Variants in RADX observed in about 807,000 individuals in gnomAD.
The protein encoded by RADX is RPA1 related single stranded DNA binding protein, X-linked, also known as RPA-related protein RADX.
RADX carries 36 observed loss-of-function variants against 61.6 expected under a neutral mutation model. The ratio of observed to expected loss-of-function variants is 0.58; its 90% CI spans 0.45 to 0.77. RADX has a LOEUF of 0.77. Ranked by LOEUF, RADX falls within the 30% of genes least tolerant of loss-of-function variation. RADX has a pLI of 0.00. For missense variants in RADX, 497 were observed against 651.1 expected (o/e 0.76, Z 2.58); for synonymous variants, 272 against 237.9 (o/e 1.14, Z -1.32).
intron 11 of RADX, among the ~76,000 whole-genome samples, chrX:106,661,006 T>C (rs975448942): frequency 1.4e-4 from 16 of 111,198 alleles, no homozygotes; most frequent in African/African-American, 4.6e-4. Context: ...CAAACACTTA[T>C]AAAACCATCA....
At chrX:106,664,924 T>C (rs762102889) in intron 12 of RADX, among the ~76,000 whole-genome samples, 100 of 111,668 alleles carry the variant, frequency 9.0e-4, no homozygotes, top group African/African-American at 3.2e-3. Context: ...AAGTAGTACT[T>C]GAAGTATACA....
chrX:106,632,514 T>G (rs1724261124), intron 3 of RADX, 111 bp from the exon 4 acceptor site: 1 of 409,163 alleles, frequency 2.4e-6, no homozygotes, highest in Non-Finnish European at 4.2e-6. Flanking sequence ...TTCTTGAGTT[T>G]AGTGGTGGGT....
Position 106,632,912 on chromosome X carries a change from T to C in RADX, c.1089-20T>C. The C allele has an allele frequency of 5.3e-6, 6 of 1,134,683 alleles. No homozygotes were observed. Among genetic ancestry groups the C allele is most frequent in the Non-Finnish European group, 7.2e-6 (6 of 833,120 alleles). 93.5% of individuals were successfully genotyped at this position (1,134,683 alleles called of 1,213,427 possible). A position where few individuals can be genotyped will look rare whatever the true frequency, so the allele number is the denominator to read the frequency against. On this transcript the variant is annotated intron_variant, in intron 4 of 13. Transcript: ENST00000372548. ...ACTGTTTAAAAATAAAATATTAATT[T>C]AGTGATTTTACCTTTTTAGGTCAGA...
At chrX:106,614,743 G>T (rs1926760288) in intron 1 of RADX, among the ~76,000 whole-genome samples, 1 of 110,299 alleles carries the variant, frequency 9.1e-6, no homozygotes, top group Non-Finnish European at 1.9e-5. Flanking sequence ...AATTTTGTCT[G>T]CTATATACTG....
chrX:106,654,294 AT>A (rs1441535609), intron 11 of RADX, among the ~76,000 whole-genome samples: 9 of 102,835 alleles, frequency 8.8e-5, no homozygotes, highest in Admixed American at 4.9e-4. Flanking sequence ...AGTGATGATG[AT>A]TTTTTTTTCA....
chrX:106,648,367 C>G lies in RADX; in HGVS notation c.1959C>G (p.Gly653=), dbSNP rs185238576. ...TACAAACAAAGGGAATTAAACCGGG[C>G]ATGCCAAGCATCTTCAACCGTATGT... ...ASVQTKGIKP[G]MPSIFNRRAN... is the part of the protein sequence containing the mutation. The change falls in exon 11 of 14, where the codon GGC becomes GGG. Residue 653 remains glycine, a synonymous_variant. Transcript: ENST00000372548. 5.7e-4 allele frequency: 673 copies of G among 1,184,455 alleles called. 3 individuals are homozygous for G. In the East Asian group the frequency reaches 0.016, roughly 29 times the overall value.
intron 3 of RADX, among the ~76,000 whole-genome samples, chrX:106,626,346 A>T (rs971403371): frequency 8.9e-6 from 1 of 112,121 alleles, no homozygotes; most frequent in Non-Finnish European, 1.9e-5. Context: ...CAAAAACCTT[A>T]TATGATTATT....
At chrX:106,673,819 G>C (rs1227411807) in intron 13 of RADX, among the ~76,000 whole-genome samples, 1 of 110,923 alleles carries the variant, frequency 9.0e-6, no homozygotes, top group Non-Finnish European at 1.9e-5. Context: ...TTTAGCTCAT[G>C]GTGGTGAGGC....
chrX:106,624,429 A>T (rs928217973), intron 2 of RADX, among the ~76,000 whole-genome samples: 5 of 111,783 alleles, frequency 4.5e-5, no homozygotes, highest in Admixed American at 2.9e-4. Context: ...TATGAACTGA[A>T]TTCAAGTTTC....
In RADX at chrX:106,678,161, G is replaced by C; in HGVS notation, c.2471G>C (p.Arg824Thr). ...DIIKAATELD[R>T]VHIVGILDIC... ...ATAAAAGCAGCAACTGAACTGGATA[G>C]AGTGCATATCGTCGGTATCTTGGAT... is the stretch of plus-strand genomic sequence containing the variant. The change falls in exon 14 of 14, where the codon AGA becomes ACA. Residue 824 changes from arginine to threonine, a missense_variant. Physicochemically the swap from Arg to Thr is moderately conservative, Grantham distance 71. Transcript: ENST00000372548. The C allele has an allele frequency of 1.7e-6, 2 of 1,179,341 alleles. No homozygotes were observed. The highest frequency in any genetic ancestry group is 2.3e-6 in the Non-Finnish European group (2 of 866,410).
chrX:106,652,730 T>C (rs1927826228), intron 11 of RADX, among the ~76,000 whole-genome samples: 1 of 98,147 alleles, frequency 1.0e-5, no homozygotes, highest in Admixed American at 1.1e-4. Context: ...CACACGCCAC[T>C]GAAAACCAGG....
intron 8 of RADX, chrX:106,638,133 T>C: frequency 3.0e-6 from 1 of 338,206 alleles, no homozygotes; most frequent in Non-Finnish European, 5.1e-6. Flanking sequence ...CGCATGGTGC[T>C]CTAAAGATTA....
intron 3 of RADX, among the ~76,000 whole-genome samples, chrX:106,632,165 A>G (rs192826069): frequency 2.5e-3 from 284 of 112,341 alleles, no homozygotes; most frequent in African/African-American, 9.0e-3. Flanking sequence ...TAATGGATAA[A>G]TAAATTTTAG....
chrX:106,618,064 G>A (rs1926854697), intron 1 of RADX, among the ~76,000 whole-genome samples: 1 of 111,912 alleles, frequency 8.9e-6, no homozygotes, highest in Admixed American at 9.5e-5. Flanking sequence ...AAAGAGAGGG[G>A]TTTAAAGATA....
Position 106,672,132 on chromosome X carries a change from C to T in RADX, c.2437+2802C>T, listed in dbSNP as rs754239991. Among the ~76,000 whole-genome samples, 6 of 111,708 alleles carry T rather than the reference C, an allele frequency of 5.4e-5. No individual in the cohort carries two copies. The South Asian group carries it at 1.5e-3, about 28-fold the overall frequency. ...CATATATACTGATATATTTTTATTG[C>T]GATAAAACATACAGGTCAAAATTTA... On this transcript the variant is annotated intron_variant, in intron 13 of 13. Transcript: ENST00000372548.
chrX:106,677,469 CG>C (rs1189536256), intron 13 of RADX, among the ~76,000 whole-genome samples: 1 of 107,689 alleles, frequency 9.3e-6, no homozygotes. Flanking sequence ...CCCTGGAACT[CG>C]TTACTCTGCC....
In RADX at chrX:106,612,338, G is replaced by A. The variant is rs1231634113; in HGVS notation, c.258G>A (p.Thr86=). ...TGTTAGAGGATGAGCCACGCGACACGGTGCCCAAGCCTCCCCTTTATTGCT... is the reference window on the plus strand; with the variant it reads ...TGTTAGAGGATGAGCCACGCGACACAGTGCCCAAGCCTCCCCTTTATTGCT... The part of the protein sequence containing the change: ...RYLLEDEPRD[T]VPKPPLYCYD... The change falls in exon 1 of 14, where the codon ACG becomes ACA. Residue 86 remains threonine, a synonymous_variant. Transcript: ENST00000372548. 1 of 1,209,889 alleles carries A rather than the reference G, an allele frequency of 8.3e-7. No individual in the cohort carries two copies. The highest frequency in any genetic ancestry group is 3.0e-5 in the East Asian group (1 of 33,757).
Position 106,676,753 on chromosome X carries a change from G to T in RADX, c.2438-1375G>T, listed in dbSNP as rs184245342. Among the ~76,000 whole-genome samples, 3 of 111,397 alleles carry T rather than the reference G, an allele frequency of 2.7e-5. 1 individual carries two copies. The Admixed American group carries it at 2.9e-4, about 11-fold the overall frequency. ...TGACCTGGAGTGGTGGCACTCCTTCGACACTTAGCCAGGCCATTTACAATT... is the reference window on the plus strand; with the variant it reads ...TGACCTGGAGTGGTGGCACTCCTTCTACACTTAGCCAGGCCATTTACAATT... On this transcript the variant is annotated intron_variant, in intron 13 of 13. Coordinates refer to ENST00000372548, the MANE Select transcript of RADX (RefSeq NM_018015.6).
At chrX:106,621,837 T>C (rs1485564262) in intron 1 of RADX, among the ~76,000 whole-genome samples, 1 of 110,270 alleles carries the variant, frequency 9.1e-6, no homozygotes, top group Non-Finnish European at 1.9e-5. Context: ...TACAGGGCCA[T>C]GTCTGTCATG....
Sources: gnomAD v4.1 joint callset for allele counts (sites outside exome capture counted in the v4.1 genomes callset) on GRCh38, gnomAD v4.1.1 for gene constraint, MANE v1.5 for transcripts, NCBI Gene and HGNC (gene_info 2026-07-23, HGNC 2026-07-21) for gene names.